The following ARHGAP6 variants were observed in gnomAD, a reference collection of about 807,000 sequenced individuals.
The protein encoded by ARHGAP6 is rho GTPase-activating protein 6.
ARHGAP6 carries 16 observed loss-of-function variants against 55.7 expected under a neutral mutation model. The ratio of observed to expected loss-of-function variants is 0.29; its 90% CI spans 0.19 to 0.44. The LOEUF (loss-of-function observed/expected upper bound fraction) is 0.44. ARHGAP6 is among the 20% of genes least tolerant of loss of function. The pLI is 1.00. For synonymous variants in ARHGAP6, 382 were observed against 360.9 expected (o/e 1.06, Z -0.66); for missense variants, 698 against 808.9 (o/e 0.86, Z 1.66).
At chrX:11,269,793 T>C (rs185115321) in intron 1 of ARHGAP6, among the ~76,000 whole-genome samples, 263 of 111,775 alleles carry the variant, frequency 2.4e-3, no homozygotes, top group Non-Finnish European at 4.2e-3. Flanking sequence ...TGCTGCCATT[T>C]GCTTCCTTAA....
chrX:11,462,409 C>T (rs759622793), intron 1 of ARHGAP6, among the ~76,000 whole-genome samples: 3 of 112,184 alleles, frequency 2.7e-5, no homozygotes, highest in South Asian at 3.8e-4. Flanking sequence ...TGTGGGAAAG[C>T]GACCTTTGCA....
intron 1 of ARHGAP6, among the ~76,000 whole-genome samples, chrX:11,378,560 T>C (rs970725399): frequency 1.8e-5 from 2 of 112,638 alleles, no homozygotes; most frequent in African/African-American, 6.5e-5. Context: ...TACAAAAGTC[T>C]CACAGGTAAT....
intron 1 of ARHGAP6, among the ~76,000 whole-genome samples, chrX:11,461,192 G>T (rs929416496): frequency 6.2e-5 from 7 of 112,066 alleles, no homozygotes; most frequent in Non-Finnish European, 1.1e-4. Flanking sequence ...AAGCTGGTTG[G>T]GAAGAGACAA....
At chrX:11,664,013 G>A (rs1419768794) in intron 1 of ARHGAP6, among the ~76,000 whole-genome samples, 1 of 112,561 alleles carries the variant, frequency 8.9e-6, no homozygotes, top group Admixed American at 9.3e-5. Flanking sequence ...CAGCTCCCAC[G>A]ACTGCTCCAA....
At chrX:11,460,929 C>T (rs955097153) in intron 1 of ARHGAP6, among the ~76,000 whole-genome samples, 1 of 111,886 alleles carries the variant, frequency 8.9e-6, no homozygotes, top group Non-Finnish European at 1.9e-5. Flanking sequence ...AACAAATTAA[C>T]CATGGAGCCT....
At chrX:11,576,029 T>C (rs1159847307) in intron 1 of ARHGAP6, among the ~76,000 whole-genome samples, 1 of 112,404 alleles carries the variant, frequency 8.9e-6, no homozygotes, top group Non-Finnish European at 1.9e-5. Context: ...GTTTTTTTAA[T>C]GTGCTGATGG....
chrX:11,412,632 T>C (rs766300792), intron 1 of ARHGAP6, among the ~76,000 whole-genome samples: 1 of 112,273 alleles, frequency 8.9e-6, no homozygotes, highest in Non-Finnish European at 1.9e-5. Context: ...TAATCATTAA[T>C]TGAGATCTTT....
At chrX:11,278,382 T>C (rs2047806442) in intron 1 of ARHGAP6, among the ~76,000 whole-genome samples, 1 of 111,108 alleles carries the variant, frequency 9.0e-6, no homozygotes, top group African/African-American at 3.3e-5. Flanking sequence ...TATAGAATAA[T>C]GATCTAAGAG....
chrX:11,602,528 C>G (rs960374657), intron 1 of ARHGAP6, among the ~76,000 whole-genome samples: 1 of 112,808 alleles, frequency 8.9e-6, no homozygotes, highest in African/African-American at 3.2e-5. Context: ...TACCTCCAGG[C>G]TACAAGTTCA....
At chrX:11,291,912 GA>G (rs1486902580) in intron 1 of ARHGAP6, among the ~76,000 whole-genome samples, 3 of 111,373 alleles carry the variant, frequency 2.7e-5, no homozygotes, top group African/African-American at 9.8e-5. Context: ...CATCCCTACT[GA>G]TTTATCCCCA....
chrX:11,377,629 G>C (rs1209631308), intron 1 of ARHGAP6, among the ~76,000 whole-genome samples: 2 of 111,830 alleles, frequency 1.8e-5, no homozygotes, highest in African/African-American at 6.5e-5. Context: ...GCCCCATATT[G>C]TGCTTAAAAT....
intron 1 of ARHGAP6, among the ~76,000 whole-genome samples, chrX:11,402,599 C>A (rs937154243): frequency 4.5e-5 from 5 of 111,687 alleles, no homozygotes; most frequent in African/African-American, 1.6e-4. Flanking sequence ...CTGGCAACAC[C>A]AAGGCATGCT....
At chrX:11,601,210 T>C (rs2051966967) in intron 1 of ARHGAP6, among the ~76,000 whole-genome samples, 1 of 110,863 alleles carries the variant, frequency 9.0e-6, no homozygotes, top group South Asian at 3.8e-4. Context: ...CTAGTGGGGC[T>C]TAGGGGAGGG....
At chrX:11,209,195 G>A (rs2046751655) in intron 2 of ARHGAP6, among the ~76,000 whole-genome samples, 1 of 112,473 alleles carries the variant, frequency 8.9e-6, no homozygotes, top group African/African-American at 3.2e-5. Context: ...AGGCTGGAGT[G>A]CAGCGGCGTA....
At chrX:11,424,366 T>C (rs1403571868) in intron 1 of ARHGAP6, among the ~76,000 whole-genome samples, 1 of 112,836 alleles carries the variant, frequency 8.9e-6, no homozygotes, top group African/African-American at 3.2e-5. Flanking sequence ...TTGCAATCTG[T>C]ATAAGACAGT....
chrX:11,530,753 A>G (rs762374696), intron 1 of ARHGAP6, among the ~76,000 whole-genome samples: 1 of 111,427 alleles, frequency 9.0e-6, no homozygotes, highest in Admixed American at 9.6e-5. Context: ...AACGAAATTC[A>G]AATTCCCCAA....
At position 11,664,259 on chromosome X, in the gene ARHGAP6, G is replaced by A. The variant is rs111800080; in HGVS notation, c.570C>T (p.Tyr190=). Residue 190 remains tyrosine, a synonymous_variant, in exon 1 of 13, where the codon TAC becomes TAT. Coordinates refer to ENST00000337414, the MANE Select transcript of ARHGAP6 (RefSeq NM_013427.3). ...QSPPDSRGHP[Y]VVWKSEGDFT... ...TCCCTACCTCGGATTTCCACACGAC[G>A]TAGGGGTGCCCGCGACTGTCGGGTG... The A allele has an allele frequency of 2.8e-3, 3,385 of 1,208,298 alleles. 55 individuals are homozygous for A. In the African/African-American group the frequency reaches 0.048, roughly 17 times the overall value.
At chrX:11,623,538 A>AAT (rs1183853658) in intron 1 of ARHGAP6, among the ~76,000 whole-genome samples, 1 of 109,039 alleles carries the variant, frequency 9.2e-6, no homozygotes, top group Non-Finnish European at 1.9e-5. Flanking sequence ...AAAAAAAAAA[A>AAT]ATACAAATAT....
intron 1 of ARHGAP6, among the ~76,000 whole-genome samples, chrX:11,600,972 C>G (rs1344902780): frequency 8.9e-6 from 1 of 111,942 alleles, no homozygotes; most frequent in Non-Finnish European, 1.9e-5. Context: ...TTGATCCTGG[C>G]AGATGTGACT....
Sources: gnomAD v4.1 joint callset for allele counts (sites outside exome capture counted in the v4.1 genomes callset) on GRCh38, gnomAD v4.1.1 for gene constraint, MANE v1.5 for transcripts, NCBI Gene and HGNC (gene_info 2026-07-23, HGNC 2026-07-21) for gene names.